The following C4orf51 variants were observed in gnomAD, a reference collection of about 807,000 sequenced individuals.
C4orf51 encodes the protein chromosome 4 open reading frame 51.
Under a neutral mutation model 25.2 loss-of-function variants are expected in C4orf51, and 25 were observed. The ratio of observed to expected loss-of-function variants is 0.99; its 90% CI spans 0.72 to 1.39. The LOEUF is 1.39. Among genes scored for constraint, C4orf51 ranks in the 40% most tolerant of loss-of-function variants. The pLI is 0.00. For missense variants in C4orf51, 252 were observed against 239.6 expected, an observed-to-expected ratio of 1.05 and a Z score of -0.34; for synonymous variants, 100 against 84.5, an observed-to-expected ratio of 1.18 and a Z score of -1.01.
chr4:145,722,644 T>C (rs1731802347), intron 2 of C4orf51, among the ~76,000 whole-genome samples: 1 of 152,186 alleles, frequency 6.6e-6, no homozygotes, highest in South Asian at 2.1e-4. Context: ...TGATGAAAGC[T>C]CTGGGACCTA....
chr4:145,773,969 T>C (rs1008947424), downstream of C4orf51, among the ~76,000 whole-genome samples: 3 of 152,124 alleles, frequency 2.0e-5, no homozygotes, highest in Non-Finnish European at 4.4e-5. Flanking sequence ...AGCTCTGGAA[T>C]GAAAACTGTT....
At chr4:145,736,511 A>G (rs1319582945), downstream of C4orf51, among the ~76,000 whole-genome samples, 2 of 152,112 alleles carry the variant, frequency 1.3e-5, no homozygotes, top group African/African-American at 2.4e-5. Flanking sequence ...GGCTGGGCGC[A>G]ACAGCTGCCG....
At chr4:145,696,305 G>A (rs879907265) in intron 1 of C4orf51, among the ~76,000 whole-genome samples, 3 of 152,168 alleles carry the variant, frequency 2.0e-5, no homozygotes, top group Non-Finnish European at 4.4e-5. Context: ...CTGGATGGTG[G>A]AGGGTGGGAG....
chr4:145,731,862 G>A (rs1057281657), intron 5 of C4orf51, among the ~76,000 whole-genome samples: 2 of 151,484 alleles, frequency 1.3e-5, no homozygotes, highest in African/African-American at 4.9e-5. Flanking sequence ...GATTACAGGC[G>A]TGAGCCACCA....
intron 1 of C4orf51, among the ~76,000 whole-genome samples, chr4:145,767,700 G>A (rs7664804): frequency 0.91 from 138,703 of 152,284 alleles, 63,434 homozygotes; most frequent in East Asian, 0.97. Flanking sequence ...TAAGAAGACT[G>A]TAAAGCAACA....
chr4:145,727,496 A>C (rs918798911), intron 3 of C4orf51, among the ~76,000 whole-genome samples: 1 of 152,106 alleles, frequency 6.6e-6, no homozygotes, highest in Non-Finnish European at 1.5e-5. Flanking sequence ...TTTCATGGAC[A>C]TCTTTCAGTG....
At chr4:145,778,599 G>A in the C4orf51 span, among the ~76,000 whole-genome samples, 3 of 152,084 alleles carry the variant, frequency 2.0e-5, no homozygotes, top group Non-Finnish European at 2.9e-5. Flanking sequence ...GTGACAGAGC[G>A]AGACCCTATC....
chr4:145,724,798 C>A (rs1731951017), intron 2 of C4orf51, among the ~76,000 whole-genome samples: 1 of 146,732 alleles, frequency 6.8e-6, no homozygotes, highest in Middle Eastern at 3.7e-3. Flanking sequence ...GCAGGAGGAT[C>A]CCTTGAGCCT....
chr4:145,729,920 G>A lies in C4orf51; in HGVS notation c.456G>A (p.Glu152=). The A allele has an allele frequency of 6.2e-7, 1 of 1,613,944 alleles. No individual in the cohort carries two copies. Among genetic ancestry groups the A allele is most frequent in the South Asian group, 1.1e-5 (1 of 91,078 alleles). The change falls in exon 5 of 6, where the codon GAG becomes GAA. Residue 152 remains glutamate, a synonymous_variant. Transcript: ENST00000438731. ...TGAGACCTAAAAAGCCAGCACAGGAGGCCCTGATAAACTACAGTCGACGAG... is the reference window on the plus strand; with the variant it reads ...TGAGACCTAAAAAGCCAGCACAGGAAGCCCTGATAAACTACAGTCGACGAG... ...YCVRPKKPAQ[E]ALINYSRRGK...
downstream of C4orf51, among the ~76,000 whole-genome samples, chr4:145,772,012 A>ATGTATG (rs1736364414): frequency 6.6e-6 from 1 of 152,190 alleles, no homozygotes; most frequent in African/African-American, 2.4e-5. Flanking sequence ...AATACTACTT[A>ATGTATG]TGGTACCATA....
At chr4:145,722,655 T>C (rs1181121688) in intron 2 of C4orf51, among the ~76,000 whole-genome samples, 1 of 152,162 alleles carries the variant, frequency 6.6e-6, no homozygotes, top group African/African-American at 2.4e-5. Flanking sequence ...CTGGGACCTA[T>C]CTTCAGAAAA....
chr4:145,764,859 C>T (rs751332719), intron 1 of C4orf51: 4 of 1,293,520 alleles, frequency 3.1e-6, no homozygotes, highest in Non-Finnish European at 4.4e-6. Flanking sequence ...GGGTTCCTGA[C>T]TAACTCCTCT....
At chr4:145,702,073 G>A (rs948687782) in intron 2 of C4orf51, among the ~76,000 whole-genome samples, 4 of 151,948 alleles carry the variant, frequency 2.6e-5, no homozygotes, top group East Asian at 1.9e-4. Flanking sequence ...CCCACTCAAC[G>A]CCAATATCCC....
At chr4:145,709,862 G>T (rs570637502) in intron 2 of C4orf51, among the ~76,000 whole-genome samples, 1 of 152,124 alleles carries the variant, frequency 6.6e-6, no homozygotes, top group African/African-American at 2.4e-5. Flanking sequence ...TACCTGCCAG[G>T]GTGAGCTGAG....
the C4orf51 span, among the ~76,000 whole-genome samples, chr4:145,790,566 C>A: frequency 1.3e-5 from 2 of 152,152 alleles, no homozygotes; most frequent in Admixed American, 6.5e-5. Context: ...ACAGTCATTT[C>A]CAGATATTAT....
intron 1 of C4orf51, among the ~76,000 whole-genome samples, chr4:145,767,816 A>G (rs1461950918): frequency 6.6e-6 from 1 of 152,222 alleles, no homozygotes; most frequent in African/African-American, 2.4e-5. Flanking sequence ...AAAACAAATG[A>G]AGGAATTCAT....
intron 2 of C4orf51, among the ~76,000 whole-genome samples, chr4:145,714,823 G>C (rs1731316663): frequency 6.6e-6 from 1 of 152,174 alleles, no homozygotes; most frequent in African/African-American, 2.4e-5. Flanking sequence ...TCACCAGTCA[G>C]CTCAGCTGGG....
At chr4:145,734,796 T>C (rs1454557972), downstream of C4orf51, among the ~76,000 whole-genome samples, 38 of 152,178 alleles carry the variant, frequency 2.5e-4, no homozygotes, top group Admixed American at 2.4e-3. Flanking sequence ...GCACAGACCA[T>C]ACATGGCAGC....
chr4:145,693,919 C>T (rs558436340), intron 1 of C4orf51, among the ~76,000 whole-genome samples: 1 of 144,474 alleles, frequency 6.9e-6, no homozygotes, highest in African/African-American at 2.6e-5. Flanking sequence ...GGGTGGCTGC[C>T]GGGCGGAGAC....
Sources: allele counts gnomAD v4.1 joint callset (sites outside exome capture counted in the v4.1 genomes callset), GRCh38; gene constraint gnomAD v4.1.1; transcripts MANE v1.5; gene names NCBI Gene and HGNC (gene_info 2026-07-23, HGNC 2026-07-21).